The following IFT57 variants were observed in gnomAD, a reference collection of about 807,000 sequenced individuals.
IFT57 encodes intraflagellar transport protein 57 homolog.
In IFT57, 59 loss-of-function variants were observed where a neutral mutation model predicts 56.8. That is an observed-to-expected ratio of 1.04 (90% CI 0.84 to 1.29). IFT57 has a LOEUF of 1.29. Ranked by LOEUF, IFT57 falls within the 50% of genes most tolerant of loss-of-function variation. The pLI is 0.00. For synonymous variants in IFT57, 209 were observed against 186.1 expected (o/e 1.12, Z -1.00); for missense variants, 470 against 522.1 (o/e 0.90, Z 0.97).
At chr3:108,204,943 G>A (rs1467656378) in intron 5 of IFT57, among the ~76,000 whole-genome samples, 2 of 152,144 alleles carry the variant, frequency 1.3e-5, no homozygotes, top group African/African-American at 4.8e-5. Flanking sequence ...TAAAGTACTT[G>A]AAAACTACAA....
intron 6 of IFT57, among the ~76,000 whole-genome samples, chr3:108,185,302 C>G (rs963943430): frequency 1.3e-5 from 2 of 152,050 alleles, no homozygotes; most frequent in Non-Finnish European, 2.9e-5. Flanking sequence ...GCTGGAGAAT[C>G]TGATGCCAGC....
At chr3:108,196,260 CCCTCATTTCCAA>C (rs1294083451) in intron 5 of IFT57, among the ~76,000 whole-genome samples, 1 of 152,018 alleles carries the variant, frequency 6.6e-6, no homozygotes, top group Non-Finnish European at 1.5e-5. Flanking sequence ...CTCATTTCCA[CCCTCATTTCCAA>C]CCCCTCTTTC....
At chr3:108,215,588 A>G (rs1046671329) in intron 3 of IFT57, among the ~76,000 whole-genome samples, 2 of 152,036 alleles carry the variant, frequency 1.3e-5, no homozygotes, top group African/African-American at 2.4e-5. Context: ...AAAAATCAAC[A>G]TTTACTAATA....
intron 6 of IFT57, among the ~76,000 whole-genome samples, chr3:108,172,124 G>A (rs1047807732): frequency 1.3e-5 from 2 of 151,816 alleles, no homozygotes; most frequent in East Asian, 1.9e-4. Flanking sequence ...GTATAACTAC[G>A]ATAGTGTACA....
At chr3:108,208,046 A>C (rs1304993765) in intron 4 of IFT57, among the ~76,000 whole-genome samples, 2 of 143,824 alleles carry the variant, frequency 1.4e-5, no homozygotes, top group Non-Finnish European at 3.0e-5. Flanking sequence ...CCGTCTCAAA[A>C]GAAAAAAAAA....
intron 6 of IFT57, among the ~76,000 whole-genome samples, chr3:108,171,334 T>C (rs1397386103): frequency 6.6e-6 from 1 of 151,838 alleles, no homozygotes; most frequent in Non-Finnish European, 1.5e-5. Flanking sequence ...AGAAGCCAAA[T>C]GTAGTAATTT....
rs1005464329 is a variant in IFT57 at position 108,191,750 on chromosome 3, T to A, written c.655-107A>T. ...AATTTAAATCAAGAATTGGTAGTGT[T>A]AAAATTATAGTGGAAGAAGAAATTA... On this transcript the variant is annotated intron_variant, in intron 5 of 10. Coordinates refer to ENST00000264538, the MANE Select transcript of IFT57 (RefSeq NM_018010.4). The A allele has an allele frequency of 1.7e-5, 10 of 581,012 alleles. No homozygotes were observed. In the Admixed American group the frequency reaches 2.4e-4, roughly 14 times the overall value. 36.0% of individuals were successfully genotyped at this position (581,012 alleles called of 1,614,324 possible). A position where few individuals can be genotyped will look rare whatever the true frequency, so the allele number is the denominator to read the frequency against.
chr3:108,220,805 A>C (rs2080402252), intron 1 of IFT57, among the ~76,000 whole-genome samples: 1 of 152,164 alleles, frequency 6.6e-6, no homozygotes, highest in Admixed American at 6.6e-5. Context: ...GGTGATGCTG[A>C]TGCTGTTGGT....
rs760730239 is a variant in IFT57, at chr3:108,214,041, C to G, written c.495-20G>C. 1 of 1,382,400 alleles carries G rather than the reference C, an allele frequency of 7.2e-7. No individual in the cohort carries two copies. Among genetic ancestry groups the G allele is most frequent in the East Asian group, 2.3e-5 (1 of 43,658 alleles). 85.6% of individuals were successfully genotyped at this position (1,382,400 alleles called of 1,614,324 possible). A position where few individuals can be genotyped will look rare whatever the true frequency, so the allele number is the denominator to read the frequency against. On this transcript the variant is annotated intron_variant, in intron 3 of 10. Coordinates refer to ENST00000264538, the MANE Select transcript of IFT57 (RefSeq NM_018010.4). Reference sequence around the variant, plus strand: ...ATTGGCCTAAAATAATAAGATTAAACATGAGGTGATAATTTTAATATTTAG... The same window carrying G: ...ATTGGCCTAAAATAATAAGATTAAAGATGAGGTGATAATTTTAATATTTAG...
In IFT57 at chr3:108,191,563, A is replaced by G. The variant is rs1029207576; in HGVS notation, c.735T>C (p.Arg245=). ...DAAEWSLEVE[R]VLPQLKVTIR... ...TCGTGACTTTCAGTTGCGGTAGTAC[A>G]CGTTCCACTTCTAGGCTCCATTCTG... is the stretch of plus-strand genomic sequence containing the variant. Residue 245 remains arginine (R), a synonymous_variant, in exon 6 of 11, where the codon CGT becomes CGC. Coordinates refer to ENST00000264538, the MANE Select transcript of IFT57 (RefSeq NM_018010.4). 5.6e-6 allele frequency: 9 copies of G among 1,609,436 alleles called. No homozygotes were observed. Among genetic ancestry groups the G allele is most frequent in the Non-Finnish European group, 7.6e-6 (9 of 1,176,964 alleles).
chr3:108,182,757 G>C (rs911159683), intron 6 of IFT57, among the ~76,000 whole-genome samples: 4 of 152,116 alleles, frequency 2.6e-5, no homozygotes, highest in Admixed American at 2.0e-4. Flanking sequence ...TACTTCCAAG[G>C]CCTTTTAAAA....
intron 6 of IFT57, among the ~76,000 whole-genome samples, chr3:108,174,925 GTTGT>G (rs1338814336): frequency 1.3e-5 from 2 of 151,824 alleles, no homozygotes; most frequent in Non-Finnish European, 2.9e-5. Flanking sequence ...TGATTTGGGG[GTTGT>G]TTGTTATGCA....
chr3:108,207,671 C>T (rs11924195), intron 4 of IFT57, among the ~76,000 whole-genome samples: 13,909 of 152,150 alleles, frequency 0.091, 701 homozygotes, highest in Middle Eastern at 0.12. Flanking sequence ...AAGTATGGTT[C>T]TGAGAGCAGC....
intron 6 of IFT57, among the ~76,000 whole-genome samples, chr3:108,186,552 T>C (rs1289139764): frequency 6.6e-6 from 1 of 152,206 alleles, no homozygotes; most frequent in Admixed American, 6.5e-5. Context: ...AAGACTACTT[T>C]GGACTTGTTT....
At chr3:108,213,886 T>A in intron 4 of IFT57, 45 bp downstream of exon 4, 1 of 1,111,666 alleles carries the variant, frequency 9.0e-7, no homozygotes, top group Non-Finnish European at 1.4e-6. Context: ...GAATGGGAAG[T>A]GGCCGAAAGG....
At chr3:108,197,157 G>A (rs1186350773) in intron 5 of IFT57, among the ~76,000 whole-genome samples, 1 of 152,124 alleles carries the variant, frequency 6.6e-6, no homozygotes. Flanking sequence ...GAAACAATTA[G>A]AAGCTCATAA....
chr3:108,189,176 G>A (rs2080201434), intron 6 of IFT57, among the ~76,000 whole-genome samples: 1 of 152,166 alleles, frequency 6.6e-6, no homozygotes, highest in Non-Finnish European at 1.5e-5. Flanking sequence ...TTAGATATGA[G>A]AGCTATACAA....
chr3:108,206,686 G>C lies in IFT57; in HGVS notation c.596C>G (p.Thr199Arg). The C allele has an allele frequency of 7.8e-7, 1 of 1,280,086 alleles. No individual in the cohort carries two copies. The highest frequency in any genetic ancestry group is 2.2e-5 in the South Asian group (1 of 45,694). The allele number at this position is 1,280,086 out of a possible 1,614,324, so 79.3% of individuals were successfully genotyped here. ...KVDEEFVEEE[T>R]DNEENFIDLN... is the part of the protein sequence containing the mutation. ...ATCAATAAAGTTTTCTTCATTATCT[G>C]TCTCTTCTTCCTTAGAAAATAAATT... Residue 199 changes from threonine to arginine, a missense_variant, in exon 5 of 11, where the codon ACA (threonine) becomes AGA (arginine). Physicochemically the swap from Thr to Arg is moderately conservative, Grantham distance 71. Transcript: ENST00000264538.
intron 6 of IFT57, among the ~76,000 whole-genome samples, chr3:108,176,082 C>T (rs184416917): frequency 2.5e-4 from 38 of 151,952 alleles, no homozygotes; most frequent in Non-Finnish European, 4.3e-4. Context: ...ATTGACTCTA[C>T]CCTTCTCTAT....
Sources: allele counts gnomAD v4.1 joint callset (sites outside exome capture counted in the v4.1 genomes callset), GRCh38; gene constraint gnomAD v4.1.1; transcripts MANE v1.5; gene names NCBI Gene and HGNC (gene_info 2026-07-23, HGNC 2026-07-21).